PHACTR1: variants seen among roughly 807,000 people sequenced by gnomAD.
PHACTR1 encodes phosphatase and actin regulator 1.
PHACTR1 carries 16 observed loss-of-function variants against 69.2 expected under a neutral mutation model. That is an observed-to-expected ratio of 0.23 (90% CI 0.16 to 0.35). The LOEUF (loss-of-function observed/expected upper bound fraction) is 0.35, where lower values mean the gene tolerates loss of function less well. PHACTR1 is among the 10% of genes least tolerant of loss of function. PHACTR1 has a pLI of 1.00. For synonymous variants in PHACTR1, 312 were observed against 284.5 expected (o/e 1.10, Z -0.97); for missense variants, 510 against 734.7 (o/e 0.69, Z 3.54).
At chr6:12,887,033 C>T (rs1057498510) in intron 4 of PHACTR1, among the ~76,000 whole-genome samples, 2 of 152,108 alleles carry the variant, frequency 1.3e-5, no homozygotes, top group Non-Finnish European at 2.9e-5. Context: ...TCCTCTTCCC[C>T]TTGTCCTCCA....
At chr6:12,766,740 T>A (rs1259983224) in intron 4 of PHACTR1, among the ~76,000 whole-genome samples, 1 of 152,232 alleles carries the variant, frequency 6.6e-6, no homozygotes, top group African/African-American at 2.4e-5. Flanking sequence ...ATACAAATAG[T>A]TTAGGCATGT....
chr6:13,098,532 C>A (rs1173392518), intron 5 of PHACTR1, among the ~76,000 whole-genome samples: 1 of 152,182 alleles, frequency 6.6e-6, no homozygotes, highest in African/African-American at 2.4e-5. Flanking sequence ...CTTCTAAGCA[C>A]CAGACCCCTA....
intron 4 of PHACTR1, among the ~76,000 whole-genome samples, chr6:12,767,690 A>G (rs926679472): frequency 6.6e-6 from 1 of 152,124 alleles, no homozygotes; most frequent in Non-Finnish European, 1.5e-5. Context: ...AATACATGAG[A>G]CTGTTTGCCC....
intron 4 of PHACTR1, chr6:12,934,105 G>A: frequency 1.1e-6 from 1 of 931,224 alleles, no homozygotes; most frequent in Non-Finnish European, 1.5e-6. Flanking sequence ...ACCTTCTTGT[G>A]TCTTCCAGCT....
intron 10 of PHACTR1, among the ~76,000 whole-genome samples, chr6:13,262,829 G>T (rs1261229344): frequency 6.6e-6 from 1 of 152,156 alleles, no homozygotes; most frequent in African/African-American, 2.4e-5. Flanking sequence ...CTTTCCATCT[G>T]TCTGAAAATG....
intron 5 of PHACTR1, among the ~76,000 whole-genome samples, chr6:13,057,865 C>G (rs1008984674): frequency 4.6e-5 from 7 of 152,150 alleles, no homozygotes; most frequent in Non-Finnish European, 7.3e-5. Flanking sequence ...TTAAAAGGCC[C>G]TGAGCATTAA....
chr6:12,755,542 G>A (rs562718928), intron 4 of PHACTR1, among the ~76,000 whole-genome samples: 1 of 152,204 alleles, frequency 6.6e-6, no homozygotes, highest in South Asian at 2.1e-4. Flanking sequence ...TCACAGCAAA[G>A]TTATGGAAAT....
At chr6:13,131,718 G>T (rs979949451) in intron 5 of PHACTR1, among the ~76,000 whole-genome samples, 18 of 152,136 alleles carry the variant, frequency 1.2e-4, no homozygotes, top group African/African-American at 3.6e-4. Context: ...ATAACATGTG[G>T]CATTCTGCTT....
chr6:13,195,779 A>AAAAAAAAAAAAAAAAAAAAAAAAAAG (rs201554952), intron 7 of PHACTR1, among the ~76,000 whole-genome samples: 17 of 118,554 alleles, frequency 1.4e-4, no homozygotes, highest in Non-Finnish European at 2.1e-4. Flanking sequence ...AAAAAAAAAA[A>AAAAAAAAAAAAAAAAAAAAAAAAAAG]AGTTCATTTG....
chr6:13,161,331 T>G (rs897858977), intron 6 of PHACTR1, among the ~76,000 whole-genome samples: 6 of 152,234 alleles, frequency 3.9e-5, no homozygotes, highest in African/African-American at 1.4e-4. Context: ...TTGCTCCTCC[T>G]TCCTCTTCTT....
intron 4 of PHACTR1, among the ~76,000 whole-genome samples, chr6:12,815,392 C>T (rs933922283): frequency 2.0e-5 from 3 of 152,192 alleles, no homozygotes; most frequent in Non-Finnish European, 2.9e-5. Flanking sequence ...TTGCATTTCC[C>T]TACACCAAAC....
At chr6:13,018,855 T>A (rs1346798171) in intron 4 of PHACTR1, among the ~76,000 whole-genome samples, 1 of 152,002 alleles carries the variant, frequency 6.6e-6, no homozygotes, top group Admixed American at 6.6e-5. Context: ...TGTGACCAAC[T>A]CATCTATCTG....
intron 4 of PHACTR1, among the ~76,000 whole-genome samples, chr6:13,038,784 C>G (rs978482365): frequency 1.3e-5 from 2 of 152,196 alleles, no homozygotes; most frequent in Non-Finnish European, 2.9e-5. Flanking sequence ...TTTAAGGCTG[C>G]TATGTCTGAT....
chr6:12,821,857 G>C (rs1390412727), intron 4 of PHACTR1, among the ~76,000 whole-genome samples: 1 of 152,234 alleles, frequency 6.6e-6, no homozygotes, highest in Admixed American at 6.5e-5. Context: ...AACTGGTCCA[G>C]ATTCCGCCCA....
intron 5 of PHACTR1, 81 bp from the exon 6 acceptor site, chr6:13,160,123 A>C (rs754654247): frequency 5.4e-5 from 64 of 1,187,124 alleles, no homozygotes; most frequent in Non-Finnish European, 7.8e-5. Flanking sequence ...TTACATTGCC[A>C]TATGTGTTAA....
At chr6:13,149,670 A>G (rs1245748237) in intron 5 of PHACTR1, among the ~76,000 whole-genome samples, 1 of 152,184 alleles carries the variant, frequency 6.6e-6, no homozygotes, top group Non-Finnish European at 1.5e-5. Flanking sequence ...AGCAGAGATC[A>G]GGATCTATGC....
chr6:12,755,277 A>G lies in PHACTR1; in HGVS notation c.250+5487A>G, dbSNP rs143324106. Among the ~76,000 whole-genome samples the G allele has an allele frequency of 8.6e-3, 1,304 of 152,304 alleles. 16 individuals carry two copies. The highest frequency in any genetic ancestry group is 0.029 in the African/African-American group (1,213 of 41,548). ...GGAAATATCTGAGGCAAGAGTCAGA[A>G]GAATTTGATTCTAATGCATCAATTT... is the stretch of plus-strand genomic sequence containing the variant. On this transcript the variant is annotated intron_variant, in intron 4 of 14. Transcript: ENST00000332995.
chr6:13,225,257 T>A (rs1335384414), intron 8 of PHACTR1, among the ~76,000 whole-genome samples: 1 of 152,222 alleles, frequency 6.6e-6, no homozygotes, highest in Non-Finnish European at 1.5e-5. Context: ...CCTAGCTTCA[T>A]GGAAAACTAC....
chr6:12,893,322 G>T (rs1037395692), intron 4 of PHACTR1, among the ~76,000 whole-genome samples: 1 of 152,140 alleles, frequency 6.6e-6, no homozygotes, highest in African/African-American at 2.4e-5. Flanking sequence ...GGAGGCTGGG[G>T]CACAGAAATC....
Sources: allele counts gnomAD v4.1 joint callset (sites outside exome capture counted in the v4.1 genomes callset), GRCh38; gene constraint gnomAD v4.1.1; transcripts MANE v1.5; gene names NCBI Gene and HGNC (gene_info 2026-07-23, HGNC 2026-07-21).